The following HDHD3 variants were observed in gnomAD, a reference collection of about 807,000 sequenced individuals.
HDHD3 encodes haloacid dehalogenase like hydrolase domain containing 3.
HDHD3 carries 6 observed loss-of-function variants against 6.9 expected under a neutral mutation model. The ratio of observed to expected loss-of-function variants is 0.87; its 90% confidence interval spans 0.48 to 1.72. HDHD3 has a LOEUF of 1.72. Ranked by LOEUF, HDHD3 falls within the 40% of genes most tolerant of loss-of-function variation. The probability of loss-of-function intolerance (pLI) is 0.01; values close to 1 mark genes in which losing one functional copy is unlikely to be tolerated. For missense variants in HDHD3, 308 were observed against 327.4 expected (o/e 0.94, Z 0.46); for synonymous variants, 139 against 140.7 (o/e 0.99, Z 0.08).
In HDHD3 at chr9:113,374,356, G is replaced by T. The variant is rs7867017; in HGVS notation, c.-2C>A. The stretch of plus-strand genomic sequence containing the variant: ...TCGTATCTGCAGCCGGTGTGCCATG[G>T]AGGAGGCCAAGTCCACCCCAGTTCT... On this transcript the variant is annotated 5_prime_UTR_variant, in exon 3 of 3. Coordinates refer to ENST00000374180, the MANE Select transcript of HDHD3 (RefSeq NM_001304509.2). 3.2e-3 allele frequency: 4,826 copies of T among 1,510,862 alleles called. 136 individuals carry two copies. The African/African-American group carries it at 0.061, about 19-fold the overall frequency. 93.6% of individuals were successfully genotyped at this position (1,510,862 alleles called of 1,614,324 possible).
Position 113,374,372 on chromosome 9 carries a change from C to A in HDHD3, c.-18G>T, listed in dbSNP as rs114000239. The A allele has an allele frequency of 6.7e-7, 1 of 1,502,200 alleles. No homozygotes were observed. Among genetic ancestry groups the A allele is most frequent in the African/African-American group, 1.4e-5 (1 of 71,656 alleles). 93.1% of individuals were successfully genotyped at this position (1,502,200 alleles called of 1,614,324 possible). ...TGTGCCATGGAGGAGGCCAAGTCCA[C>A]CCCAGTTCTGCCTCAGGTCCCACGG... On this transcript the variant is annotated 5_prime_UTR_variant, in exon 3 of 3. Coordinates refer to ENST00000374180, the MANE Select transcript of HDHD3 (RefSeq NM_001304509.2).
In HDHD3 at chr9:113,374,836, T is replaced by C. The variant is rs937713174; in HGVS notation, c.-175-307A>G. On this transcript the variant is annotated intron_variant, in intron 2 of 2. Transcript: ENST00000374180. ...AGGGACCGCATCTAGTCTGTGTAGTTAGGGAATGTCATAAGCAAGTGAAGT... is the reference window on the plus strand; with the variant it reads ...AGGGACCGCATCTAGTCTGTGTAGTCAGGGAATGTCATAAGCAAGTGAAGT... 2.6e-5 allele frequency among the ~76,000 whole-genome samples: 4 copies of C among 152,140 alleles called. No homozygotes were observed. In the South Asian group the frequency reaches 6.2e-4, roughly 24 times the overall value.
rs759307364 is a variant in HDHD3, at chr9:113,373,611, AG to A, written c.743del (p.Thr248IlefsTer54). The stretch of plus-strand genomic sequence containing the variant: ...TCCCTCACTGGCCTCAAAGCCCTGG[AG>A]TTGAGCCCTCTAGGCAGTCAAGGGC... ...LPALDCLEGS[T>X]PGL On this transcript the variant is annotated frameshift_variant, in exon 3 of 3. Coordinates refer to ENST00000374180, the MANE Select transcript of HDHD3 (RefSeq NM_001304509.2). LOFTEE classifies it high-confidence loss of function. 34 of 1,574,678 alleles carry A rather than the reference AG, an allele frequency of 2.2e-5. No individual in the cohort carries two copies. The highest frequency in any genetic ancestry group is 2.8e-5 in the Non-Finnish European group (32 of 1,158,534).
intron 1 of HDHD3, 94 bp from the exon 2 acceptor site, chr9:113,375,661 A>T (rs1834441165): frequency 6.6e-6 from 1 of 152,392 alleles, no homozygotes; most frequent in South Asian, 2.1e-4. Flanking sequence ...GGAGGTAATA[A>T]CACTGGCCTA....
chr9:113,373,874 C>T lies in HDHD3; in HGVS notation c.481G>A (p.Glu161Lys), dbSNP rs1365426612. The T allele has an allele frequency of 9.9e-6, 16 of 1,614,118 alleles. 1 individual carries two copies. In the Admixed American group the frequency reaches 1.3e-4, roughly 13 times the overall value. ...REHFDFVLTS[E>K]AAGWPKPDPR... Reference sequence around the variant, plus strand: ...TCCGGCTTGGGCCAGCCAGCAGCCTCGGAGGTCAGCACAAAGTCGAAGTGT... The same window carrying T: ...TCCGGCTTGGGCCAGCCAGCAGCCTTGGAGGTCAGCACAAAGTCGAAGTGT... Residue 161 changes from glutamate to lysine, a missense_variant, in exon 3 of 3, where the codon GAG becomes AAG. Transcript: ENST00000374180.
At position 113,373,821 on chromosome 9, in the gene HDHD3, C is replaced by G. The variant is rs1186693012; in HGVS notation, c.534G>C (p.Arg178=). ...PDPRIFQEAL[R]LAHMEPVVAA... is the part of the protein sequence containing the mutation. ...CCACTACTGGTTCCATATGAGCAAG[C>G]CGCAAGGCCTCCTGGAAAATGCGGG... Residue 178 remains arginine (R), a synonymous_variant, in exon 3 of 3, where the codon CGG becomes CGC. Coordinates refer to ENST00000374180, the MANE Select transcript of HDHD3 (RefSeq NM_001304509.2). 1 of 1,613,870 alleles carries G rather than the reference C, an allele frequency of 6.2e-7. No individual in the cohort carries two copies. The highest frequency in any genetic ancestry group is 1.3e-5 in the African/African-American group (1 of 74,944).
At chr9:113,375,989 G>C (rs906466542) in intron 1 of HDHD3, 1 of 151,210 alleles carries the variant, frequency 6.6e-6, no homozygotes, top group African/African-American at 2.4e-5. Flanking sequence ...AAATCACACA[G>C]GGAGTCACAT....
At position 113,373,858 on chromosome 9, in the gene HDHD3, G is replaced by A. The variant is rs1834390993; in HGVS notation, c.497C>T (p.Pro166Leu). 1 of 1,614,104 alleles carries A rather than the reference G, an allele frequency of 6.2e-7. No homozygotes were observed. The highest frequency in any genetic ancestry group is 8.5e-7 in the Non-Finnish European group (1 of 1,180,050). The stretch of plus-strand genomic sequence containing the variant: ...CTGGAAAATGCGGGGGTCCGGCTTG[G>A]GCCAGCCAGCAGCCTCGGAGGTCAG... ...FVLTSEAAGW[P>L]KPDPRIFQEA... The change falls in exon 3 of 3, where the codon CCC (proline) becomes CTC (leucine). Residue 166 changes from proline to leucine, a missense_variant. Transcript: ENST00000374180.
rs779870971 is a variant in HDHD3 at position 113,373,826 on chromosome 9, A to G, written c.529T>C (p.Leu177=). Residue 177 remains leucine (L), a synonymous_variant, in exon 3 of 3, where the codon TTG becomes CTG. Transcript: ENST00000374180. ...ACTGGTTCCATATGAGCAAGCCGCA[A>G]GGCCTCCTGGAAAATGCGGGGGTCC... ...KPDPRIFQEA[L]RLAHMEPVVA... 13 of 1,614,056 alleles carry G rather than the reference A, an allele frequency of 8.1e-6. No individual in the cohort carries two copies. Among genetic ancestry groups the G allele is most frequent in the Non-Finnish European group, 1.0e-5 (12 of 1,179,928 alleles).
chr9:113,376,355 T>C (rs1190096358), intron 1 of HDHD3, among the ~76,000 whole-genome samples: 11 of 17,858 alleles, frequency 6.2e-4, no homozygotes, highest in Non-Finnish European at 9.1e-4. Flanking sequence ...GCTTTTTTTC[T>C]TTTTTTTTTT....
At position 113,373,844 on chromosome 9, in the gene HDHD3, G is replaced by C; in HGVS notation, c.511C>G (p.Arg171Gly). Residue 171 changes from arginine (R) to glycine (G), a missense_variant, in exon 3 of 3, where the codon CGC (arginine) becomes GGC (glycine). Physicochemically the swap from Arg to Gly is moderately radical, Grantham distance 125. Coordinates refer to ENST00000374180, the MANE Select transcript of HDHD3 (RefSeq NM_001304509.2). ...EAAGWPKPDPRIFQEALRLAH... is the reference protein window; with the variant it reads ...EAAGWPKPDPGIFQEALRLAH... ...AGCCGCAAGGCCTCCTGGAAAATGC[G>C]GGGGTCCGGCTTGGGCCAGCCAGCA... 1 of 1,614,140 alleles carries C rather than the reference G, an allele frequency of 6.2e-7. No homozygotes were observed. Among genetic ancestry groups the C allele is most frequent in the Non-Finnish European group, 8.5e-7 (1 of 1,179,994 alleles).
chr9:113,373,822 C>G lies in HDHD3; in HGVS notation c.533G>C (p.Arg178Pro). 1.9e-6 allele frequency: 3 copies of G among 1,614,016 alleles called. No homozygotes were observed. The highest frequency in any genetic ancestry group is 2.5e-6 in the Non-Finnish European group (3 of 1,179,902). Residue 178 changes from arginine (R) to proline (P), a missense_variant, in exon 3 of 3, where the codon CGG becomes CCG. Coordinates refer to ENST00000374180, the MANE Select transcript of HDHD3 (RefSeq NM_001304509.2). ...PDPRIFQEAL[R>P]LAHMEPVVAA... ...CACTACTGGTTCCATATGAGCAAGC[C>G]GCAAGGCCTCCTGGAAAATGCGGGG... is the stretch of plus-strand genomic sequence containing the variant.
intron 2 of HDHD3, among the ~76,000 whole-genome samples, chr9:113,375,062 T>G (rs1378925712): frequency 4.6e-5 from 7 of 150,816 alleles, no homozygotes; most frequent in Non-Finnish European, 8.9e-5. Flanking sequence ...TGTGGGGTGG[T>G]GGGGCGGGGT....
rs17765613 is a variant in HDHD3, at chr9:113,373,875, G to A, written c.480C>T (p.Ser160=). Reference sequence around the variant, plus strand: ...CCGGCTTGGGCCAGCCAGCAGCCTCGGAGGTCAGCACAAAGTCGAAGTGTT... The same window carrying A: ...CCGGCTTGGGCCAGCCAGCAGCCTCAGAGGTCAGCACAAAGTCGAAGTGTT... ...LREHFDFVLT[S]EAAGWPKPDP... The change falls in exon 3 of 3, where the codon TCC becomes TCT. Residue 160 remains serine (S), a synonymous_variant. Coordinates refer to ENST00000374180, the MANE Select transcript of HDHD3 (RefSeq NM_001304509.2). The A allele has an allele frequency of 0.035, 55,772 of 1,614,230 alleles. 1,210 individuals carry two copies. Among genetic ancestry groups the A allele is most frequent in the South Asian group, 0.072 (6,546 of 91,092 alleles).
intron 1 of HDHD3, among the ~76,000 whole-genome samples, chr9:113,376,455 C>G (rs1287908605): frequency 3.5e-5 from 5 of 142,876 alleles, no homozygotes; most frequent in African/African-American, 8.3e-5. Context: ...TCAAGCGATT[C>G]TCCTTCCTTA....
In HDHD3 at chr9:113,373,547, T is replaced by G; in HGVS notation, c.*52A>C. 1 of 1,498,292 alleles carries G rather than the reference T, an allele frequency of 6.7e-7. No homozygotes were observed. The highest frequency in any genetic ancestry group is 8.9e-7 in the Non-Finnish European group (1 of 1,124,516). 92.8% of individuals were successfully genotyped at this position (1,498,292 alleles called of 1,614,324 possible). The stretch of plus-strand genomic sequence containing the variant: ...AGAAGGGGCTCCCTGTCTCCAGGGT[T>G]TGTTTAAGGTTTTCTCCATGGCCTA... On this transcript the variant is annotated 3_prime_UTR_variant, in exon 3 of 3. Coordinates refer to ENST00000374180, the MANE Select transcript of HDHD3 (RefSeq NM_001304509.2).
chr9:113,375,553 T>A lies in HDHD3; in HGVS notation c.-276A>T, dbSNP rs1011070770. The stretch of plus-strand genomic sequence containing the variant: ...TGTACCATGAGATATATTTGGATTT[T>A]AAAAATTGGTGAACCTGTACAGCAC... On this transcript the variant is annotated 5_prime_UTR_variant, in exon 2 of 3. Coordinates refer to ENST00000374180, the MANE Select transcript of HDHD3 (RefSeq NM_001304509.2). The A allele has an allele frequency of 2.6e-5, 4 of 152,240 alleles. No individual in the cohort carries two copies. Among genetic ancestry groups the A allele is most frequent in the African/African-American group, 9.6e-5 (4 of 41,458 alleles). The allele number at this position is 152,240 out of a possible 1,614,324, so 9.4% of individuals were successfully genotyped here.
Position 113,373,886 on chromosome 9 carries a change from C to A in HDHD3, c.469G>T (p.Val157Leu). The A allele has an allele frequency of 6.2e-7, 1 of 1,614,246 alleles. No homozygotes were observed. The highest frequency in any genetic ancestry group is 8.5e-7 in the Non-Finnish European group (1 of 1,180,048). ...GLGLREHFDF[V>L]LTSEAAGWPK... ...CAGCCAGCAGCCTCGGAGGTCAGCA[C>A]AAAGTCGAAGTGTTCACGCAGGCCA... Residue 157 changes from valine to leucine, a missense_variant, in exon 3 of 3, where the codon GTG becomes TTG. Val to Leu is a conservative substitution (Grantham distance 32). Coordinates refer to ENST00000374180, the MANE Select transcript of HDHD3 (RefSeq NM_001304509.2).
rs1477992922 is a variant in HDHD3 at position 113,376,744 on chromosome 9, C to T, written c.-306G>A. ...AACTGCTCACCTTTTCTCCCCACCT[C>T]CAGGGCTCGGGAAAGGCGAAGTCCA... On this transcript the variant is annotated 5_prime_UTR_variant, in exon 1 of 3. Coordinates refer to ENST00000374180, the MANE Select transcript of HDHD3 (RefSeq NM_001304509.2). 2 of 152,254 alleles carry T rather than the reference C, an allele frequency of 1.3e-5. No individual in the cohort carries two copies. Among genetic ancestry groups the T allele is most frequent in the African/African-American group, 4.8e-5 (2 of 41,464 alleles). 9.4% of individuals were successfully genotyped at this position (152,254 alleles called of 1,614,324 possible). A position where few individuals can be genotyped will look rare whatever the true frequency, so the allele number is the denominator to read the frequency against.
Sources: gnomAD v4.1 joint callset for allele counts (sites outside exome capture counted in the v4.1 genomes callset) on GRCh38, gnomAD v4.1.1 for gene constraint, MANE v1.5 for transcripts, NCBI Gene and HGNC (gene_info 2026-07-23, HGNC 2026-07-21) for gene names.